CDK14: variants seen among roughly 807,000 people sequenced by gnomAD.
CDK14 encodes cyclin dependent kinase 14.
In CDK14, 34 loss-of-function variants were observed where a neutral mutation model predicts 60.7. That is an observed-to-expected ratio of 0.56 (90% CI 0.43 to 0.75). The LOEUF (loss-of-function observed/expected upper bound fraction) is 0.75. Among genes scored for constraint, CDK14 ranks in the 30% least tolerant of loss-of-function variants. The pLI is 0.00. For synonymous variants in CDK14, 197 were observed against 203.7 expected, an observed-to-expected ratio of 0.97 and a Z score of 0.28; for missense variants, 482 against 564.1, an observed-to-expected ratio of 0.85 and a Z score of 1.47.
intron 10 of CDK14, among the ~76,000 whole-genome samples, chr7:91,032,901 C>A (rs898097763): frequency 6.6e-6 from 1 of 152,176 alleles, no homozygotes; most frequent in Non-Finnish European, 1.5e-5. Flanking sequence ...TTGAAGTGTT[C>A]TGAATCAATT....
chr7:90,666,672 T>C (rs984555006), intron 2 of CDK14, among the ~76,000 whole-genome samples: 1 of 152,236 alleles, frequency 6.6e-6, no homozygotes, highest in African/African-American at 2.4e-5. Flanking sequence ...AACATGGTTT[T>C]GGTTAAGAAG....
chr7:91,008,957 A>C (rs1796073843), intron 10 of CDK14, among the ~76,000 whole-genome samples: 1 of 152,088 alleles, frequency 6.6e-6, no homozygotes, highest in African/African-American at 2.4e-5. Flanking sequence ...CAAGATAGTG[A>C]TCTATCCATC....
At position 90,684,325 on chromosome 7, in the gene CDK14, A is replaced by G. The variant is rs1801385763; in HGVS notation, c.124-42242A>G. Among the ~76,000 whole-genome samples, 3 of 152,202 alleles carry G rather than the reference A, an allele frequency of 2.0e-5. No individual in the cohort carries two copies. The South Asian group carries it at 6.2e-4, about 32-fold the overall frequency. On this transcript the variant is annotated intron_variant, in intron 2 of 14. Coordinates refer to ENST00000380050, the MANE Select transcript of CDK14 (RefSeq NM_001287135.2). ...TGTGTACAACATGAAGTTTTTATAA[A>G]CATATAGATAATGAGAAATGATTAC...
At chr7:90,724,362 C>A (rs891437357) in intron 2 of CDK14, among the ~76,000 whole-genome samples, 3 of 148,062 alleles carry the variant, frequency 2.0e-5, no homozygotes, top group African/African-American at 7.9e-5. Context: ...AAAAAAACTT[C>A]TCTGAAAACC....
At chr7:90,676,306 C>T (rs1230210557) in intron 2 of CDK14, among the ~76,000 whole-genome samples, 1 of 152,062 alleles carries the variant, frequency 6.6e-6, no homozygotes, top group Non-Finnish European at 1.5e-5. Flanking sequence ...AAGGGCGTCC[C>T]TGAGAAACTC....
chr7:90,786,536 A>G lies in CDK14; in HGVS notation c.465-4037A>G, dbSNP rs79510554. 0.016 allele frequency among the ~76,000 whole-genome samples: 2,408 copies of G among 152,300 alleles called. 151 individuals carry two copies. In the East Asian group the frequency reaches 0.18, roughly 12 times the overall value. On this transcript the variant is annotated intron_variant, in intron 4 of 14. Coordinates refer to ENST00000380050, the MANE Select transcript of CDK14 (RefSeq NM_001287135.2). ...ACAATGTTCATTTTGTTTTTCATAC[A>G]GTAATATATCTTTTTGATATCTTTA...
chr7:90,672,724 A>G (rs749459051), intron 2 of CDK14, among the ~76,000 whole-genome samples: 2 of 151,562 alleles, frequency 1.3e-5, no homozygotes, highest in African/African-American at 2.4e-5. Context: ...GGGTCTCACT[A>G]TGTTCACCAG....
chr7:90,849,046 T>C (rs942291054), intron 5 of CDK14, among the ~76,000 whole-genome samples: 2 of 152,178 alleles, frequency 1.3e-5, no homozygotes, highest in Non-Finnish European at 2.9e-5. Flanking sequence ...GTTTAGATGT[T>C]TGTTCTTGCC....
intron 2 of CDK14, among the ~76,000 whole-genome samples, chr7:90,672,499 T>G (rs1158226005): frequency 8.1e-6 from 1 of 124,136 alleles, no homozygotes; most frequent in African/African-American, 3.1e-5. Flanking sequence ...TGCTTCTTCT[T>G]CTGTTTTTTT....
intron 2 of CDK14, among the ~76,000 whole-genome samples, chr7:90,677,649 T>G (rs1229389346): frequency 2.8e-5 from 4 of 145,314 alleles, no homozygotes; most frequent in Non-Finnish European, 6.2e-5. Flanking sequence ...CTGGAAGCTG[T>G]TTTTTTTTTC....
At chr7:91,066,173 A>G (rs1167161023) in intron 11 of CDK14, among the ~76,000 whole-genome samples, 1 of 152,212 alleles carries the variant, frequency 6.6e-6, no homozygotes, top group East Asian at 1.9e-4. Flanking sequence ...AGAAGAGTTA[A>G]TTATGAAGAA....
intron 2 of CDK14, among the ~76,000 whole-genome samples, chr7:90,618,711 C>T (rs1484125877): frequency 6.6e-6 from 1 of 152,176 alleles, no homozygotes; most frequent in Admixed American, 6.5e-5. Context: ...AAAGACTTGG[C>T]TTTTCTGATG....
At chr7:91,070,248 TTGCTGC>T (rs904027568) in intron 11 of CDK14, among the ~76,000 whole-genome samples, 2 of 131,164 alleles carry the variant, frequency 1.5e-5, no homozygotes, top group Non-Finnish European at 3.2e-5. Context: ...TATTTTGTTG[TTGCTGC>T]TGCTGCTGCT....
chr7:90,909,572 T>C (rs1792823982), intron 7 of CDK14, among the ~76,000 whole-genome samples: 1 of 151,986 alleles, frequency 6.6e-6, no homozygotes, highest in Non-Finnish European at 1.5e-5. Flanking sequence ...ATTATAAGTC[T>C]CCTAGCTCTA....
At chr7:90,801,402 A>G (rs1055742730) in intron 5 of CDK14, among the ~76,000 whole-genome samples, 1 of 152,166 alleles carries the variant, frequency 6.6e-6, no homozygotes, top group Non-Finnish European at 1.5e-5. Context: ...GCAAAATATC[A>G]TTCTCTGTGG....
At chr7:91,158,514 G>C (rs146057092) in intron 14 of CDK14, among the ~76,000 whole-genome samples, 1 of 152,232 alleles carries the variant, frequency 6.6e-6, no homozygotes, top group Non-Finnish European at 1.5e-5. Context: ...AGAAATTTTT[G>C]ACATCCATTA....
intron 2 of CDK14, among the ~76,000 whole-genome samples, chr7:90,626,013 T>C (rs565789637): frequency 1.3e-5 from 2 of 152,364 alleles, no homozygotes; most frequent in Admixed American, 1.3e-4. Flanking sequence ...AGAAGAACTA[T>C]GAGTTAATTT....
chr7:91,174,420 A>C (rs371035182), intron 14 of CDK14, among the ~76,000 whole-genome samples: 1 of 151,160 alleles, frequency 6.6e-6, no homozygotes, highest in African/African-American at 2.4e-5. Flanking sequence ...CCAAAGGAAC[A>C]CAGTTCCTCA....
intron 3 of CDK14, among the ~76,000 whole-genome samples, chr7:90,738,603 G>A (rs947204882): frequency 1.3e-5 from 2 of 152,154 alleles, no homozygotes; most frequent in African/African-American, 4.8e-5. Flanking sequence ...TATGCAGTTA[G>A]TGTCTGTTAG....
Sources: gnomAD v4.1 joint callset for allele counts (sites outside exome capture counted in the v4.1 genomes callset) on GRCh38, gnomAD v4.1.1 for gene constraint, MANE v1.5 for transcripts, NCBI Gene and HGNC (gene_info 2026-07-23, HGNC 2026-07-21) for gene names.